GADL1: variants seen among roughly 807,000 people sequenced by gnomAD.
GADL1 encodes GAD like acidic amino acid decarboxylase 1, also known as acidic amino acid decarboxylase GADL1.
Under a neutral mutation model 69.5 loss-of-function variants are expected in GADL1, and 71 were observed. The ratio of observed to expected loss-of-function variants is 1.02; its 90% CI spans 0.84 to 1.25. GADL1 has a LOEUF of 1.25. Among genes scored for constraint, GADL1 ranks in the 50% most tolerant of loss-of-function variants. The probability of loss-of-function intolerance (pLI) is 0.00; values close to 1 mark genes in which losing one functional copy is unlikely to be tolerated. For synonymous variants in GADL1, 254 were observed against 214.4 expected (o/e 1.18, Z -1.62); for missense variants, 737 against 631.8 (o/e 1.17, Z -1.79).
chr3:30,788,748 A>C (rs1696853170), intron 12 of GADL1, among the ~76,000 whole-genome samples: 2 of 152,170 alleles, frequency 1.3e-5, no homozygotes, highest in Admixed American at 1.3e-4. Flanking sequence ...TCCTTTCAAC[A>C]ATATTCACAA....
intron 12 of GADL1, among the ~76,000 whole-genome samples, 190 bp from the exon 13 acceptor site, chr3:30,786,596 G>A (rs1696795673): frequency 6.6e-6 from 1 of 152,084 alleles, no homozygotes; most frequent in African/African-American, 2.4e-5. Context: ...CTGAGTAAAA[G>A]GATGCATCTT....
rs138513761 is a variant in GADL1, at chr3:30,776,017, C to T, written c.1392+2162G>A. 5.9e-5 allele frequency among the ~76,000 whole-genome samples: 9 copies of T among 151,998 alleles called. No individual in the cohort carries two copies. In the East Asian group the frequency reaches 1.7e-3, roughly 29 times the overall value. ...GTGGGAATCGCTTGAACCCGAGAGGCGGAGGTTGCAGTGAGCAGAGATCGT... is the reference window on the plus strand; with the variant it reads ...GTGGGAATCGCTTGAACCCGAGAGGTGGAGGTTGCAGTGAGCAGAGATCGT... On this transcript the variant is annotated intron_variant, in intron 14 of 14. Coordinates refer to ENST00000282538, the MANE Select transcript of GADL1 (RefSeq NM_207359.3).
At chr3:30,858,620 G>A (rs990869929) in intron 2 of GADL1, among the ~76,000 whole-genome samples, 14 of 151,990 alleles carry the variant, frequency 9.2e-5, no homozygotes, top group Non-Finnish European at 1.8e-4. Flanking sequence ...AATGGGGATA[G>A]CAGGAGAAGG....
intron 4 of GADL1, among the ~76,000 whole-genome samples, chr3:30,852,646 A>AG (rs943561774): frequency 1.3e-5 from 2 of 151,958 alleles, no homozygotes; most frequent in Admixed American, 1.3e-4. Context: ...TTCATAATAA[A>AG]AAAAAAAAGT....
At chr3:30,741,181 T>C (rs1695620791) in intron 14 of GADL1, among the ~76,000 whole-genome samples, 1 of 134,264 alleles carries the variant, frequency 7.4e-6, no homozygotes, top group Non-Finnish European at 1.5e-5. Context: ...TTATATATAT[T>C]ATATAATTAT....
At chr3:30,752,396 A>G (rs926173808) in intron 14 of GADL1, among the ~76,000 whole-genome samples, 1 of 152,128 alleles carries the variant, frequency 6.6e-6, no homozygotes, top group Admixed American at 6.5e-5. Context: ...GGAGATAGAC[A>G]TGTATGGTGA....
In GADL1 at chr3:30,839,210, T is replaced by C. The variant is rs943945279; in HGVS notation, c.787-97A>G. 4.9e-5 allele frequency: 37 copies of C among 755,138 alleles called. 1 individual carries two copies. The African/African-American group carries it at 6.6e-4, about 13-fold the overall frequency. The allele number at this position is 755,138 out of a possible 1,614,324, so 46.8% of individuals were successfully genotyped here. On this transcript the variant is annotated intron_variant, in intron 8 of 14. Transcript: ENST00000282538. ...ATAAAGGGTTATGCATCCAGAGAGT[T>C]ATTTGGGTTTTTTGGAGGTAGTCAT...
chr3:30,869,833 GACAC>G (rs1277030218), intron 1 of GADL1, among the ~76,000 whole-genome samples: 2 of 151,740 alleles, frequency 1.3e-5, no homozygotes, highest in Admixed American at 6.6e-5. Context: ...AGACCAAAAA[GACAC>G]ACAGATGGTG....
At chr3:30,762,109 G>GT (rs796307422) in intron 14 of GADL1, among the ~76,000 whole-genome samples, 22 of 152,240 alleles carry the variant, frequency 1.4e-4, no homozygotes, top group African/African-American at 4.8e-4. Context: ...AGGAACCCAT[G>GT]TTTTATAGAG....
chr3:30,739,568 C>A (rs1409880976), intron 14 of GADL1, among the ~76,000 whole-genome samples: 2 of 152,288 alleles, frequency 1.3e-5, no homozygotes, highest in African/African-American at 4.8e-5. Context: ...TCTCCCTATA[C>A]CTTCTCTTTG....
At chr3:30,861,406 A>G (rs1698318932) in intron 2 of GADL1, among the ~76,000 whole-genome samples, 187 bp downstream of exon 2, 1 of 151,752 alleles carries the variant, frequency 6.6e-6, no homozygotes. Flanking sequence ...TAAGGAGGCA[A>G]CCCTTCAAGG....
In GADL1 at chr3:30,880,226, T is replaced by C. The variant is rs9817572; in HGVS notation, c.37+14352A>G. 6.5e-3 allele frequency among the ~76,000 whole-genome samples: 989 copies of C among 152,070 alleles called. 15 individuals carry two copies. The highest frequency in any genetic ancestry group is 0.023 in the African/African-American group (952 of 41,508). ...AAATACAGTAAATATTTACATATCA[T>C]TTACATTGCATTAAGTATTGTAAGT... On this transcript the variant is annotated intron_variant, in intron 1 of 14. Transcript: ENST00000282538.
Position 30,732,812 on chromosome 3 carries a change from C to G in GADL1, c.1393-4397G>C, listed in dbSNP as rs147766460. Reference sequence around the variant, plus strand: ...GTTGCTCACGCCTGTAATCTCAGTACTTTGGGACGCCAAGGCGGGCAGATC... The same window carrying G: ...GTTGCTCACGCCTGTAATCTCAGTAGTTTGGGACGCCAAGGCGGGCAGATC... On this transcript the variant is annotated intron_variant, in intron 14 of 14. Transcript: ENST00000282538. Among the ~76,000 whole-genome samples the G allele has an allele frequency of 3.2e-3, 492 of 152,256 alleles. 2 individuals are homozygous for G. The highest frequency in any genetic ancestry group is 4.5e-3 in the Non-Finnish European group (304 of 68,018).
chr3:30,840,097 A>G (rs1038458283), intron 8 of GADL1, among the ~76,000 whole-genome samples: 1 of 152,124 alleles, frequency 6.6e-6, no homozygotes, highest in Non-Finnish European at 1.5e-5. Flanking sequence ...TGCCTCTGAA[A>G]GTTTAGTGCC....
chr3:30,779,049 G>T (rs1044098758), intron 13 of GADL1: 3 of 152,144 alleles, frequency 2.0e-5, no homozygotes, highest in East Asian at 3.9e-4. Flanking sequence ...TATCTTCCCT[G>T]CCAGTCTGTT....
At chr3:30,858,882 G>C (rs907814472) in intron 2 of GADL1, among the ~76,000 whole-genome samples, 1 of 151,974 alleles carries the variant, frequency 6.6e-6, no homozygotes, top group Non-Finnish European at 1.5e-5. Context: ...AGAGGAGCCT[G>C]ACTGTCCTGT....
rs536712019 is a variant in GADL1, at chr3:30,757,750, A to G, written c.1392+20429T>C. 5.3e-5 allele frequency among the ~76,000 whole-genome samples: 8 copies of G among 151,322 alleles called. No individual in the cohort carries two copies. The East Asian group carries it at 1.5e-3, about 29-fold the overall frequency. On this transcript the variant is annotated intron_variant, in intron 14 of 14. Coordinates refer to ENST00000282538, the MANE Select transcript of GADL1 (RefSeq NM_207359.3). ...TTGAAGGAGTTCTACAACTCCTACA[A>G]ATGTAGTCCCCTCCCCTGTTTAAAC...
At chr3:30,759,367 T>TC (rs1481369126) in intron 14 of GADL1, among the ~76,000 whole-genome samples, 1 of 152,212 alleles carries the variant, frequency 6.6e-6, no homozygotes, top group Non-Finnish European at 1.5e-5. Flanking sequence ...TTTCTGTACC[T>TC]CCAGTACTTG....
intron 1 of GADL1, among the ~76,000 whole-genome samples, chr3:30,871,385 G>C (rs1559366132): frequency 2.6e-5 from 4 of 151,618 alleles, no homozygotes; most frequent in African/African-American, 9.7e-5. Context: ...CTAAATAGTA[G>C]ACAGGATGGT....
Sources: allele counts gnomAD v4.1 joint callset (sites outside exome capture counted in the v4.1 genomes callset), GRCh38; gene constraint gnomAD v4.1.1; transcripts MANE v1.5; gene names NCBI Gene and HGNC (gene_info 2026-07-23, HGNC 2026-07-21).